Variants in NTM observed in about 807,000 individuals in gnomAD.
The protein encoded by NTM is IgLON family member 2.
NTM carries 13 observed loss-of-function variants against 42.1 expected under a neutral mutation model. The ratio of observed to expected loss-of-function variants is 0.31; its 90% confidence interval spans 0.20 to 0.49. The LOEUF is 0.49. Among genes scored for constraint, NTM ranks in the 20% least tolerant of loss-of-function variants. The probability of loss-of-function intolerance (pLI) is 0.99; values close to 1 mark genes in which losing one functional copy is unlikely to be tolerated. For synonymous variants in NTM, 187 were observed against 179.2 expected (o/e 1.04, Z -0.35); for missense variants, 373 against 452.8 (o/e 0.82, Z 1.60).
chr11:131,696,785 GCA>G (rs34907087), intron 1 of NTM, among the ~76,000 whole-genome samples: 7,681 of 147,006 alleles, frequency 0.052, 261 homozygotes, highest in South Asian at 0.12. Flanking sequence ...ACCCACGCAT[GCA>G]CACACACACA....
At chr11:132,053,014 T>C (rs2079081897) in intron 2 of NTM, among the ~76,000 whole-genome samples, 1 of 152,198 alleles carries the variant, frequency 6.6e-6, no homozygotes, top group Non-Finnish European at 1.5e-5. Flanking sequence ...CCATCTTGTT[T>C]GTACAGTGTT....
chr11:131,913,280 C>T (rs1307560835), intron 2 of NTM, among the ~76,000 whole-genome samples: 2 of 152,176 alleles, frequency 1.3e-5, no homozygotes. Context: ...GCAAGGAGGG[C>T]CTCCCAGGGA....
intron 1 of NTM, chr11:131,777,024 T>C: frequency 3.4e-6 from 2 of 582,090 alleles, no homozygotes; most frequent in Non-Finnish European, 4.3e-6. Flanking sequence ...CTACAAAAGG[T>C]TGAATCATGA....
intron 2 of NTM, among the ~76,000 whole-genome samples, chr11:132,115,069 A>G (rs2063703710): frequency 6.6e-6 from 1 of 152,318 alleles, no homozygotes; most frequent in South Asian, 2.1e-4. Flanking sequence ...CAAACACTGC[A>G]TGATCTCACT....
At chr11:131,528,036 T>C (rs1033602017) in intron 1 of NTM, among the ~76,000 whole-genome samples, 1 of 152,178 alleles carries the variant, frequency 6.6e-6, no homozygotes, top group Non-Finnish European at 1.5e-5. Flanking sequence ...TGAGAAATGC[T>C]CAACTGGTAT....
intron 1 of NTM, among the ~76,000 whole-genome samples, chr11:131,805,253 G>A (rs59691354): frequency 0.036 from 5,510 of 152,256 alleles, 332 homozygotes; most frequent in African/African-American, 0.13. Flanking sequence ...ACATGAGCAT[G>A]TACTATGCTT....
chr11:131,436,616 G>A (rs1949157374), intron 1 of NTM, among the ~76,000 whole-genome samples: 1 of 152,106 alleles, frequency 6.6e-6, no homozygotes, highest in African/African-American at 2.4e-5. Context: ...ATTTCTGTGG[G>A]ATCGGTGGTG....
intron 1 of NTM, among the ~76,000 whole-genome samples, chr11:131,720,274 A>C (rs1336207744): frequency 6.6e-6 from 1 of 152,186 alleles, no homozygotes; most frequent in Non-Finnish European, 1.5e-5. Context: ...GCAAATGAAG[A>C]CTCAGAAAAG....
chr11:131,851,152 T>G (rs888870750), intron 1 of NTM, among the ~76,000 whole-genome samples: 10 of 152,176 alleles, frequency 6.6e-5, no homozygotes, highest in African/African-American at 2.4e-4. Context: ...TCATATATAA[T>G]TATTGGGGTC....
chr11:131,664,823 C>T (rs1452149185), intron 1 of NTM, among the ~76,000 whole-genome samples: 2 of 143,110 alleles, frequency 1.4e-5, no homozygotes, highest in African/African-American at 5.2e-5. Flanking sequence ...AAAAGCCACT[C>T]TTTTACATCT....
chr11:131,869,933 C>A (rs1378105209), intron 1 of NTM, among the ~76,000 whole-genome samples: 1 of 152,196 alleles, frequency 6.6e-6, no homozygotes, highest in African/African-American at 2.4e-5. Flanking sequence ...TTACTGATCA[C>A]AGACCATGTG....
At position 131,401,822 on chromosome 11, in the gene NTM, A is replaced by ATATATATATATGTGTATG. The variant is rs1945218357; in HGVS notation, c.82+30945_82+30946insGTGTATGTATATATATAT. Among the ~76,000 whole-genome samples the ATATATATATATGTGTATG allele has an allele frequency of 4.1e-4, 24 of 57,852 alleles. 1 individual carries two copies. Among genetic ancestry groups the ATATATATATATGTGTATG allele is most frequent in the Admixed American group, 1.6e-4 (1 of 6,104 alleles). 38.0% of individuals were successfully genotyped at this position (57,852 alleles called of 152,430 possible). A position where few individuals can be genotyped will look rare whatever the true frequency, so the allele number is the denominator to read the frequency against. ...GAAATATATATATATATATATATAT[A>ATATATATATATGTGTATG]TATATATATATATATATATATATAT... On this transcript the variant is annotated intron_variant, in intron 1 of 8. Coordinates refer to ENST00000683400, the MANE Select transcript of NTM (RefSeq NM_001352005.2).
At chr11:131,466,623 G>C (rs1951925798) in intron 1 of NTM, among the ~76,000 whole-genome samples, 1 of 152,126 alleles carries the variant, frequency 6.6e-6, no homozygotes, top group Non-Finnish European at 1.5e-5. Context: ...TGCCGCACAA[G>C]TTATATGTAT....
intron 1 of NTM, among the ~76,000 whole-genome samples, chr11:131,853,545 C>T (rs945084986): frequency 1.2e-4 from 19 of 152,194 alleles, no homozygotes; most frequent in African/African-American, 3.9e-4. Context: ...CCTCCAGCTC[C>T]GTCCGTGTCC....
At chr11:131,908,281 G>T (rs1447411904) in intron 1 of NTM, among the ~76,000 whole-genome samples, 1 of 152,186 alleles carries the variant, frequency 6.6e-6, no homozygotes, top group Non-Finnish European at 1.5e-5. Context: ...TGAAGCAATG[G>T]CAGGCAAATG....
intron 1 of NTM, chr11:131,540,425 A>G (rs897569622): frequency 1.3e-5 from 2 of 152,040 alleles, no homozygotes; most frequent in East Asian, 1.9e-4. Flanking sequence ...TCGGCCTCCT[A>G]AAGTATTGGG....
chr11:131,601,087 A>G (rs796554127), intron 1 of NTM, among the ~76,000 whole-genome samples: 1 of 152,178 alleles, frequency 6.6e-6, no homozygotes, highest in Non-Finnish European at 1.5e-5. Context: ...TCAGTATTCA[A>G]ATTCTCCTAT....
At chr11:131,526,348 C>A (rs1224637101) in intron 1 of NTM, among the ~76,000 whole-genome samples, 1 of 152,236 alleles carries the variant, frequency 6.6e-6, no homozygotes, top group East Asian at 1.9e-4. Context: ...CACAGTGGTA[C>A]TCACAGTAGG....
intron 4 of NTM, among the ~76,000 whole-genome samples, chr11:132,245,614 A>G (rs1329163396): frequency 2.0e-5 from 3 of 152,142 alleles, no homozygotes; most frequent in East Asian, 3.9e-4. Flanking sequence ...GCCTTTCTGT[A>G]CGACGGCCTG....
Sources: allele counts gnomAD v4.1 joint callset (sites outside exome capture counted in the v4.1 genomes callset), GRCh38; gene constraint gnomAD v4.1.1; transcripts MANE v1.5; gene names NCBI Gene and HGNC (gene_info 2026-07-23, HGNC 2026-07-21).